CUL3: variants seen among roughly 807,000 people sequenced by gnomAD.
The protein encoded by CUL3 is cullin-3.
Under a neutral mutation model 89.1 loss-of-function variants are expected in CUL3, and 19 were observed. The ratio of observed to expected loss-of-function variants is 0.21; its 90% CI spans 0.15 to 0.31. CUL3 has a LOEUF of 0.31. Ranked by LOEUF, CUL3 falls within the 10% of genes least tolerant of loss-of-function variation. The probability of loss-of-function intolerance (pLI) is 1.00; values close to 1 mark genes in which losing one functional copy is unlikely to be tolerated. For synonymous variants in CUL3, 351 were observed against 308.4 expected, an observed-to-expected ratio of 1.14 and a Z score of -1.45; for missense variants, 469 against 942.3, an observed-to-expected ratio of 0.50 and a Z score of 6.58.
intron 1 of CUL3, among the ~76,000 whole-genome samples, chr2:224,580,680 T>A (rs760850689): frequency 2.6e-5 from 4 of 151,618 alleles, no homozygotes; most frequent in African/African-American, 9.7e-5. Context: ...CAAGACTCTG[T>A]CTCAAAAAAG....
intron 2 of CUL3, among the ~76,000 whole-genome samples, chr2:224,552,805 T>C (rs539683781): frequency 2.0e-5 from 3 of 152,316 alleles, no homozygotes; most frequent in African/African-American, 7.2e-5. Flanking sequence ...CGTCAGGCAG[T>C]TCAGCTAACT....
intron 5 of CUL3, among the ~76,000 whole-genome samples, 195 bp downstream of exon 5, chr2:224,513,329 C>T (rs1451050350): frequency 6.6e-6 from 1 of 152,092 alleles, no homozygotes; most frequent in Non-Finnish European, 1.5e-5. Flanking sequence ...AGTTCAACCT[C>T]TTCAATTTGT....
At chr2:224,582,763 C>T (rs752662387) in intron 1 of CUL3, among the ~76,000 whole-genome samples, 15 of 152,142 alleles carry the variant, frequency 9.9e-5, no homozygotes, top group Non-Finnish European at 1.5e-4. Flanking sequence ...ACCTCTTCTC[C>T]CCAACAATAT....
intron 1 of CUL3, among the ~76,000 whole-genome samples, chr2:224,583,014 C>CA (rs957262455): frequency 4.6e-5 from 7 of 152,076 alleles, no homozygotes; most frequent in Non-Finnish European, 1.0e-4. Context: ...CACATTTTAG[C>CA]AAAAAATCTT....
chr2:224,551,441 G>A (rs778817278), intron 2 of CUL3, among the ~76,000 whole-genome samples: 5 of 151,738 alleles, frequency 3.3e-5, no homozygotes, highest in African/African-American at 4.8e-5. Context: ...TCCTGACCTC[G>A]TGATCTGCCC....
chr2:224,538,961 G>A (rs912701057), intron 2 of CUL3, among the ~76,000 whole-genome samples: 4 of 152,112 alleles, frequency 2.6e-5, no homozygotes, highest in Non-Finnish European at 4.4e-5. Flanking sequence ...GATCCCAGGA[G>A]TTTGAGGCAA....
At chr2:224,579,079 A>G (rs1393787263) in intron 1 of CUL3, among the ~76,000 whole-genome samples, 1 of 152,196 alleles carries the variant, frequency 6.6e-6, no homozygotes, top group Non-Finnish European at 1.5e-5. Context: ...TATTGGTACT[A>G]ATAATTTTCC....
In CUL3 at chr2:224,470,378, A is replaced by G. The variant is rs1010912351; in HGVS notation, c.*3867T>C. On this transcript the variant is annotated 3_prime_UTR_variant, in exon 16 of 16. Coordinates refer to ENST00000264414, the MANE Select transcript of CUL3 (RefSeq NM_003590.5). ...AACTGAGCATCAAATTACTTAAATG[A>G]CACGCTTACAAATTTGCCATTTCTA... 1 of 229,456 alleles carries G rather than the reference A, an allele frequency of 4.4e-6. No individual in the cohort carries two copies. Among genetic ancestry groups the G allele is most frequent in the African/African-American group, 2.2e-5 (1 of 45,128 alleles). 14.2% of individuals were successfully genotyped at this position (229,456 alleles called of 1,614,324 possible). A position where few individuals can be genotyped will look rare whatever the true frequency, so the allele number is the denominator to read the frequency against.
intron 2 of CUL3, among the ~76,000 whole-genome samples, chr2:224,540,249 G>T (rs958879145): frequency 2.6e-5 from 4 of 151,800 alleles, no homozygotes; most frequent in African/African-American, 9.7e-5. Flanking sequence ...TAGAGACAAC[G>T]GTTTCACCTT....
chr2:224,520,662 A>G (rs1210127298), intron 3 of CUL3, among the ~76,000 whole-genome samples: 1 of 152,172 alleles, frequency 6.6e-6, no homozygotes, highest in Non-Finnish European at 1.5e-5. Flanking sequence ...CAAGAAAAGG[A>G]AAGCTCAACC....
intron 3 of CUL3, among the ~76,000 whole-genome samples, chr2:224,522,360 T>C (rs1392992900): frequency 2.0e-5 from 3 of 152,156 alleles, no homozygotes; most frequent in Admixed American, 1.3e-4. Context: ...TTTAAAGAAC[T>C]TTCTCAATAC....
rs188468875 is a variant in CUL3, at chr2:224,475,539, G to C, written c.2176-1163C>G. ...CAGTTCATTTCCCAAAGCCACAATGGATTGATAATTCTTTGGAATCTGAAA... is the reference window on the plus strand; with the variant it reads ...CAGTTCATTTCCCAAAGCCACAATGCATTGATAATTCTTTGGAATCTGAAA... On this transcript the variant is annotated intron_variant, in intron 15 of 15. Coordinates refer to ENST00000264414, the MANE Select transcript of CUL3 (RefSeq NM_003590.5). Among the ~76,000 whole-genome samples, 22 of 152,214 alleles carry C rather than the reference G, an allele frequency of 1.4e-4. No homozygotes were observed. In the East Asian group the frequency reaches 4.2e-3, roughly 29 times the overall value.
intron 2 of CUL3, among the ~76,000 whole-genome samples, chr2:224,537,685 C>T (rs369138163): frequency 2.0e-5 from 3 of 152,180 alleles, no homozygotes; most frequent in Non-Finnish European, 4.4e-5. Flanking sequence ...GAGCAATCTA[C>T]GCTACATACA....
chr2:224,577,223 C>T (rs1695322344), intron 1 of CUL3, among the ~76,000 whole-genome samples: 1 of 152,144 alleles, frequency 6.6e-6, no homozygotes, highest in African/African-American at 2.4e-5. Context: ...CATTAGCAGT[C>T]TCATTTTACA....
chr2:224,501,363 A>ATAAC (rs527620282), intron 10 of CUL3, among the ~76,000 whole-genome samples: 18 of 152,380 alleles, frequency 1.2e-4, no homozygotes, highest in African/African-American at 4.3e-4. Context: ...TGTACAATGA[A>ATAAC]TAACTACTTC....
intron 1 of CUL3, among the ~76,000 whole-genome samples, chr2:224,582,791 G>A (rs1695471588): frequency 6.6e-6 from 1 of 152,160 alleles, no homozygotes; most frequent in Non-Finnish European, 1.5e-5. Flanking sequence ...AAAAGGCAGG[G>A]ATCTTGGTCT....
At chr2:224,532,441 A>C (rs1416938203) in intron 3 of CUL3, among the ~76,000 whole-genome samples, 2 of 150,644 alleles carry the variant, frequency 1.3e-5, no homozygotes, top group Non-Finnish European at 2.9e-5. Flanking sequence ...AGGAATGACC[A>C]ACTGTGGCAA....
At chr2:224,530,017 T>A (rs1345760417) in intron 3 of CUL3, among the ~76,000 whole-genome samples, 1 of 152,060 alleles carries the variant, frequency 6.6e-6, no homozygotes, top group Non-Finnish European at 1.5e-5. Flanking sequence ...GGCGGGCAGA[T>A]CACGAGGTCA....
At position 224,503,032 on chromosome 2, in the gene CUL3, A is replaced by G. The variant is rs754108380; in HGVS notation, c.1418T>C (p.Met473Thr). ...GTTTGAGATGCTCATATCCCTAAAC[A>G]TTCCTTCCAGTTTTGACGTGAACTG... The part of the protein sequence containing the change: ...GCQFTSKLEG[M>T]FRDMSISNTT... Residue 473 changes from methionine (M) to threonine (T), a missense_variant, in exon 10 of 16, where the codon ATG (methionine) becomes ACG (threonine). Transcript: ENST00000264414. 4 of 1,614,044 alleles carry G rather than the reference A, an allele frequency of 2.5e-6. No homozygotes were observed. Among genetic ancestry groups the G allele is most frequent in the Non-Finnish European group, 2.5e-6 (3 of 1,179,918 alleles).
Sources: allele counts gnomAD v4.1 joint callset (sites outside exome capture counted in the v4.1 genomes callset), GRCh38; gene constraint gnomAD v4.1.1; transcripts MANE v1.5; gene names NCBI Gene and HGNC (gene_info 2026-07-23, HGNC 2026-07-21).